Variants in LRRTM4 observed in about 807,000 individuals in gnomAD.
The protein encoded by LRRTM4 is leucine rich repeat transmembrane neuronal 4, also known as leucine-rich repeat transmembrane neuronal protein 4.
Under a neutral mutation model 47.6 loss-of-function variants are expected in LRRTM4, and 25 were observed. That is an observed-to-expected ratio of 0.53 (90% CI 0.38 to 0.73). The LOEUF (loss-of-function observed/expected upper bound fraction) is 0.73. LRRTM4 is among the 30% of genes least tolerant of loss of function. The pLI is 0.00. For missense variants in LRRTM4, 638 were observed against 713.4 expected, an observed-to-expected ratio of 0.89 and a Z score of 1.20; for synonymous variants, 311 against 269.5, an observed-to-expected ratio of 1.15 and a Z score of -1.51.
At chr2:76,905,328 T>C (rs1488977579) in intron 3 of LRRTM4, among the ~76,000 whole-genome samples, 1 of 152,024 alleles carries the variant, frequency 6.6e-6, no homozygotes, top group Non-Finnish European at 1.5e-5. Context: ...AGAAAGGACA[T>C]CCACACCAAA....
chr2:77,193,049 A>C (rs1380113355), intron 3 of LRRTM4, among the ~76,000 whole-genome samples: 1 of 152,144 alleles, frequency 6.6e-6, no homozygotes, highest in African/African-American at 2.4e-5. Flanking sequence ...AGAACTGAAA[A>C]ATGTCTACTG....
intron 3 of LRRTM4, among the ~76,000 whole-genome samples, chr2:77,436,056 A>T (rs1198990485): frequency 6.6e-6 from 1 of 152,166 alleles, no homozygotes; most frequent in Non-Finnish European, 1.5e-5. Context: ...ATGTAGAAAT[A>T]TATATGAATA....
chr2:77,400,297 C>T (rs1673898037), intron 3 of LRRTM4, among the ~76,000 whole-genome samples: 1 of 151,710 alleles, frequency 6.6e-6, no homozygotes, highest in Non-Finnish European at 1.5e-5. Context: ...ATTGGCTCTA[C>T]AATTTGCTCT....
chr2:76,857,832 T>G (rs990100777), intron 3 of LRRTM4, among the ~76,000 whole-genome samples: 1 of 152,168 alleles, frequency 6.6e-6, no homozygotes, highest in African/African-American at 2.4e-5. Flanking sequence ...GGCATTTACT[T>G]TAAGCATTAC....
chr2:76,764,403 G>A (rs12612915), intron 3 of LRRTM4, among the ~76,000 whole-genome samples: 5,063 of 152,226 alleles, frequency 0.033, 159 homozygotes, highest in East Asian at 0.15. Flanking sequence ...AGGCCAAGGC[G>A]GGCAGATCAC....
intron 3 of LRRTM4, among the ~76,000 whole-genome samples, chr2:77,313,216 G>T (rs967877608): frequency 6.7e-6 from 1 of 149,750 alleles, no homozygotes; most frequent in African/African-American, 2.5e-5. Context: ...GCCTCCCGAT[G>T]TTTTCCTGGG....
At chr2:77,479,222 G>A (rs11126609) in intron 3 of LRRTM4, among the ~76,000 whole-genome samples, 94,222 of 151,694 alleles carry the variant, frequency 0.62, 29,559 homozygotes, top group Middle Eastern at 0.72. Context: ...ATATAAGGAC[G>A]TTTCTGTTTC....
At position 76,748,302 on chromosome 2, in the gene LRRTM4, A is replaced by C; in HGVS notation, c.*393T>G. 4 of 166,376 alleles carry C rather than the reference A, an allele frequency of 2.4e-5. No homozygotes were observed. Among genetic ancestry groups the C allele is most frequent in the Non-Finnish European group, 3.9e-5 (3 of 77,140 alleles). The allele number at this position is 166,376 out of a possible 1,614,324, so 10.3% of individuals were successfully genotyped here. A position where few individuals can be genotyped will look rare whatever the true frequency, so the allele number is the denominator to read the frequency against. ...AAAACGGTTGTTTCCCTAGCTTCCC[A>C]CCCACCCCTGTTTATTTGCTCCCCT... On this transcript the variant is annotated 3_prime_UTR_variant, in exon 4 of 4. Transcript: ENST00000409884.
chr2:76,924,724 C>T (rs1674534857), intron 3 of LRRTM4, among the ~76,000 whole-genome samples: 1 of 151,916 alleles, frequency 6.6e-6, no homozygotes, highest in African/African-American at 2.4e-5. Context: ...GAAAATTGCA[C>T]CCAGCTGAAC....
intron 3 of LRRTM4, among the ~76,000 whole-genome samples, chr2:76,965,986 A>G (rs1676010866): frequency 6.6e-6 from 1 of 151,446 alleles, no homozygotes; most frequent in South Asian, 2.1e-4. Context: ...AACAAATTGC[A>G]AAGAGATTTC....
chr2:76,852,684 G>C (rs577786731), intron 3 of LRRTM4, among the ~76,000 whole-genome samples: 2 of 152,192 alleles, frequency 1.3e-5, no homozygotes, highest in South Asian at 4.2e-4. Context: ...TCCTGGTCCT[G>C]AAATATGCAA....
At chr2:77,466,353 T>C (rs1256504022) in intron 3 of LRRTM4, among the ~76,000 whole-genome samples, 1 of 152,116 alleles carries the variant, frequency 6.6e-6, no homozygotes, top group Non-Finnish European at 1.5e-5. Context: ...AATAAAATAA[T>C]GAGAATATCT....
chr2:77,127,134 A>G (rs2103967114), intron 3 of LRRTM4, among the ~76,000 whole-genome samples: 1 of 152,104 alleles, frequency 6.6e-6, no homozygotes, highest in African/African-American at 2.4e-5. Flanking sequence ...TTTTTATTTT[A>G]TTTATTCTTC....
intron 3 of LRRTM4, among the ~76,000 whole-genome samples, chr2:76,969,709 T>C (rs1243518898): frequency 6.6e-6 from 1 of 152,016 alleles, no homozygotes; most frequent in Admixed American, 6.6e-5. Flanking sequence ...ATTAAGATAC[T>C]GGTAATAATA....
At chr2:77,518,199 A>G in intron 3 of LRRTM4, 119 bp downstream of exon 3, 1 of 1,371,390 alleles carries the variant, frequency 7.3e-7, no homozygotes, top group Non-Finnish European at 9.4e-7. Flanking sequence ...ACACTGAGCA[A>G]AACCCAAAAG....
chr2:77,299,131 G>A (rs1677053607), intron 3 of LRRTM4, among the ~76,000 whole-genome samples: 1 of 151,926 alleles, frequency 6.6e-6, no homozygotes, highest in Non-Finnish European at 1.5e-5. Context: ...TATAGGAATA[G>A]CAATTACATT....
In LRRTM4 at chr2:77,020,174, T is replaced by C. The variant is rs374824832; in HGVS notation, c.1552-271258A>G. Among the ~76,000 whole-genome samples the C allele has an allele frequency of 1.6e-4, 16 of 100,820 alleles. 1 individual carries two copies. Among genetic ancestry groups the C allele is most frequent in the Admixed American group, 1.5e-3 (15 of 10,254 alleles). 66.1% of individuals were successfully genotyped at this position (100,820 alleles called of 152,430 possible). ...GTAGAAATTTTCAGTTTATAAGTAG[T>C]ATTAATAAAAAAAATAGAAGGCACA... On this transcript the variant is annotated intron_variant, in intron 3 of 3. Coordinates refer to ENST00000409884, the MANE Select transcript of LRRTM4 (RefSeq NM_001134745.3).
chr2:77,471,444 A>C (rs1677185560), intron 3 of LRRTM4, among the ~76,000 whole-genome samples: 1 of 152,066 alleles, frequency 6.6e-6, no homozygotes, highest in South Asian at 2.1e-4. Context: ...TCTATTCTTC[A>C]CAAAGCCCAG....
intron 3 of LRRTM4, among the ~76,000 whole-genome samples, chr2:76,956,806 ATGAAAAATTTTG>A (rs1337394802): frequency 4.0e-5 from 6 of 151,538 alleles, no homozygotes; most frequent in Non-Finnish European, 8.9e-5. Flanking sequence ...AGAGATTACT[ATGAAAAATTTTG>A]TGAAAAATTT....
Sources: allele counts gnomAD v4.1 joint callset (sites outside exome capture counted in the v4.1 genomes callset), GRCh38; gene constraint gnomAD v4.1.1; transcripts MANE v1.5; gene names NCBI Gene and HGNC (gene_info 2026-07-23, HGNC 2026-07-21).